Variants in TET3 observed in about 807,000 individuals in gnomAD.
The protein encoded by TET3 is tet methylcytosine dioxygenase 3, also known as methylcytosine dioxygenase TET3.
TET3 carries 19 observed loss-of-function variants against 141.4 expected under a neutral mutation model. That is an observed-to-expected ratio of 0.13 (90% CI 0.09 to 0.20). TET3 has a LOEUF of 0.20. Ranked by LOEUF, TET3 falls within the 10% of genes least tolerant of loss-of-function variation. TET3 has a pLI of 1.00. For missense variants in TET3, 1,874 were observed against 2,356.9 expected (o/e 0.80, Z 4.24); for synonymous variants, 1,043 against 980.9 (o/e 1.06, Z -1.18).
chr2:73,997,731 G>A (rs527262235), intron 2 of TET3, among the ~76,000 whole-genome samples: 3 of 152,306 alleles, frequency 2.0e-5, no homozygotes, highest in Non-Finnish European at 2.9e-5. Flanking sequence ...AGCAAACCTC[G>A]CCTGGGACTA....
the TET3 span, among the ~76,000 whole-genome samples, chr2:74,128,132 C>T: frequency 6.6e-6 from 1 of 152,144 alleles, no homozygotes; most frequent in African/African-American, 2.4e-5. Flanking sequence ...CTCCTTAAAC[C>T]CATCCTTTTT....
At chr2:74,091,919 C>T (rs1008809653) in intron 8 of TET3, among the ~76,000 whole-genome samples, 4 of 152,192 alleles carry the variant, frequency 2.6e-5, no homozygotes, top group Non-Finnish European at 5.9e-5. Context: ...TGTGTGGAAA[C>T]ATTCTCTGCT....
At position 74,093,426 on chromosome 2, in the gene TET3, T is replaced by C. The variant is rs138405380; in HGVS notation, c.3130-103T>C. 0.01 allele frequency: 14,426 copies of C among 1,428,138 alleles called. 290 individuals are homozygous for C. Among genetic ancestry groups the C allele is most frequent in the Non-Finnish European group, 8.2e-3 (8,868 of 1,079,746 alleles). The allele number at this position is 1,428,138 out of a possible 1,614,324, so 88.5% of individuals were successfully genotyped here. A position where few individuals can be genotyped will look rare whatever the true frequency, so the allele number is the denominator to read the frequency against. The stretch of plus-strand genomic sequence containing the variant: ...CTGCAGTCGAAGGGCAAGGTGACTA[T>C]CATCCTTAACATCCCTCCTTCCAAG... On this transcript the variant is annotated intron_variant, in intron 9 of 11. Transcript: ENST00000409262. This position sits in a 1 kb window ranked among gnomAD's most constrained non-coding sequence, Gnocchi z 4.2.
intron 5 of TET3, among the ~76,000 whole-genome samples, chr2:74,079,834 A>G (rs1689705638): frequency 6.6e-6 from 1 of 152,166 alleles, no homozygotes; most frequent in Non-Finnish European, 1.5e-5. Flanking sequence ...GTTCAACTCC[A>G]GGGGCCATAG....
intron 3 of TET3, among the ~76,000 whole-genome samples, chr2:74,032,496 TG>T (rs1686798946): frequency 1.4e-5 from 1 of 70,408 alleles, no homozygotes; most frequent in Non-Finnish European, 2.8e-5. Flanking sequence ...TGTGTGTGTG[TG>T]TGTGTGTGTG....
chr2:73,984,727 C>G (rs982984625), upstream of TET3, among the ~76,000 whole-genome samples: 13 of 151,174 alleles, frequency 8.6e-5, no homozygotes, highest in African/African-American at 1.9e-4. The surrounding 1 kb of genome is among the most constrained non-coding windows in gnomAD (Gnocchi z 5.6). Flanking sequence ...GCGGCCGGGC[C>G]GGAGCCTGCC....
chr2:74,076,454 T>G (rs1040673441), intron 5 of TET3, among the ~76,000 whole-genome samples: 5 of 142,810 alleles, frequency 3.5e-5, no homozygotes, highest in African/African-American at 5.5e-5. Flanking sequence ...TTTTTTTTTT[T>G]TTTTTTTTTT....
At position 74,093,707 on chromosome 2, in the gene TET3, T is replaced by C; in HGVS notation, c.3267+41T>C. The C allele has an allele frequency of 6.6e-7, 1 of 1,513,850 alleles. No homozygotes were observed. Among genetic ancestry groups the C allele is most frequent in the Non-Finnish European group, 8.9e-7 (1 of 1,121,294 alleles). 93.8% of individuals were successfully genotyped at this position (1,513,850 alleles called of 1,614,324 possible). On this transcript the variant is annotated intron_variant, in intron 10 of 11. Coordinates refer to ENST00000409262, the MANE Select transcript of TET3 (RefSeq NM_001287491.2). The surrounding 1 kb of genome is among the most constrained non-coding windows in gnomAD (Gnocchi z 4.2). ...GTCATAGCCCCACCTGTGGGGCAAC[T>C]GTGGGAGGGAGTCCACCGTGGTCTT...
In TET3 at chr2:74,093,962, C is replaced by T. The variant is rs565490291; in HGVS notation, c.3267+296C>T. Among the ~76,000 whole-genome samples the T allele has an allele frequency of 1.3e-5, 2 of 152,352 alleles. No homozygotes were observed. Among genetic ancestry groups the T allele is most frequent in the South Asian group, 4.1e-4 (2 of 4,830 alleles). ...TTATCTAAAGCGTGGGCCCCGGTCT[C>T]TGTGGACACTTGGATTTAAATGCAA... On this transcript the variant is annotated intron_variant, in intron 10 of 11. Coordinates refer to ENST00000409262, the MANE Select transcript of TET3 (RefSeq NM_001287491.2). The surrounding 1 kb of genome is among the most constrained non-coding windows in gnomAD (Gnocchi z 4.2).
the TET3 span, among the ~76,000 whole-genome samples, chr2:74,113,945 A>G: frequency 1.3e-5 from 2 of 152,170 alleles, no homozygotes; most frequent in African/African-American, 4.8e-5. Flanking sequence ...CAGAAATAGA[A>G]AAAAAAATCC....
At chr2:74,022,168 A>G (rs962665110) in intron 3 of TET3, among the ~76,000 whole-genome samples, 6 of 141,754 alleles carry the variant, frequency 4.2e-5, no homozygotes, top group Non-Finnish European at 9.0e-5. Context: ...AAAATAATAC[A>G]TGTTTATTGT....
chr2:74,049,786 G>T (rs986215966), intron 4 of TET3, among the ~76,000 whole-genome samples: 2 of 152,126 alleles, frequency 1.3e-5, no homozygotes, highest in African/African-American at 4.8e-5. Flanking sequence ...AGGCAGAGGG[G>T]TGGGTGACAA....
chr2:74,048,058 T>G lies in TET3; in HGVS notation c.2141T>G (p.Phe714Cys). 1 of 1,612,610 alleles carries G rather than the reference T, an allele frequency of 6.2e-7. No homozygotes were observed. The change falls in exon 4 of 12, where the codon TTT (phenylalanine) becomes TGT (cysteine). Residue 714 changes from phenylalanine (F) to cysteine (C), a missense_variant. Phe to Cys is a radical substitution (Grantham distance 205, BLOSUM62 -2). Around this residue, in one of 10 missense-constraint regions of TET3, gnomAD observed 484 missense variants for 462.2 expected, o/e 1.05. Transcript: ENST00000409262. Reference sequence around the variant, plus strand: ...AAGCTGGAAGAGCTCATCCGGCAGTTTGAGGCTGAATTTGGAGATAGCTTT... The same window carrying G: ...AAGCTGGAAGAGCTCATCCGGCAGTGTGAGGCTGAATTTGGAGATAGCTTT... Reference protein sequence around the residue: ...DDKLEELIRQFEAEFGDSFGL... With the variant: ...DDKLEELIRQCEAEFGDSFGL...
chr2:74,017,141 T>G (rs1482071876), intron 3 of TET3, among the ~76,000 whole-genome samples: 1 of 152,080 alleles, frequency 6.6e-6, no homozygotes, highest in Non-Finnish European at 1.5e-5. Flanking sequence ...AATTTAAAAT[T>G]AGCCCCGCAC....
At chr2:74,092,700 G>T (rs891190493) in intron 8 of TET3, among the ~76,000 whole-genome samples, 5 of 152,218 alleles carry the variant, frequency 3.3e-5, no homozygotes, top group Admixed American at 1.3e-4. Context: ...GGCTTCCACA[G>T]CTTTTCCTGG....
chr2:74,062,432 T>A (rs1055246943), intron 4 of TET3, among the ~76,000 whole-genome samples: 1 of 152,216 alleles, frequency 6.6e-6, no homozygotes, highest in African/African-American at 2.4e-5. Context: ...ACAAAAGATA[T>A]TTACTTAAAC....
chr2:74,014,136 A>G (rs1192292101), intron 3 of TET3, among the ~76,000 whole-genome samples: 1 of 152,014 alleles, frequency 6.6e-6, no homozygotes, highest in Admixed American at 6.6e-5. Flanking sequence ...ATTAATTTCT[A>G]CTGTAGTCTT....
At chr2:74,021,845 A>G (rs543400934) in intron 3 of TET3, among the ~76,000 whole-genome samples, 1 of 152,366 alleles carries the variant, frequency 6.6e-6, no homozygotes, top group African/African-American at 2.4e-5. Context: ...TATGCCTTTA[A>G]ATGCCATGAT....
chr2:74,076,617 T>C (rs1689530123), intron 5 of TET3, among the ~76,000 whole-genome samples: 1 of 152,012 alleles, frequency 6.6e-6, no homozygotes, highest in African/African-American at 2.4e-5. Context: ...CCTTTTTTTT[T>C]TTTTGCCCTT....
Sources: gnomAD v4.1 joint callset for allele counts (sites outside exome capture counted in the v4.1 genomes callset) on GRCh38, gnomAD v4.1.1 for gene constraint, gnomAD v4.1.1 regional missense constraint, Gnocchi (gnomAD v3.1) non-coding constraint, MANE v1.5 for transcripts, NCBI Gene and HGNC (gene_info 2026-07-23, HGNC 2026-07-21) for gene names.